The following FER variants were observed in gnomAD, a reference collection of about 807,000 sequenced individuals.
FER encodes FER tyrosine kinase.
FER carries 63 observed loss-of-function variants against 111.0 expected under a neutral mutation model. The ratio of observed to expected loss-of-function variants is 0.57; its 90% CI spans 0.46 to 0.70. FER has a LOEUF of 0.70. Ranked by LOEUF, FER falls within the 30% of genes least tolerant of loss-of-function variation. The pLI is 0.00. For synonymous variants in FER, 327 were observed against 313.9 expected (o/e 1.04, Z -0.44); for missense variants, 914 against 954.0 (o/e 0.96, Z 0.55).
At chr5:108,834,492 G>T (rs879913967) in intron 4 of FER, among the ~76,000 whole-genome samples, 1 of 152,072 alleles carries the variant, frequency 6.6e-6, no homozygotes, top group Non-Finnish European at 1.5e-5. Flanking sequence ...GAGGTCAGGA[G>T]TTCAAGACCA....
intron 1 of FER, among the ~76,000 whole-genome samples, chr5:108,752,731 A>G (rs1405792581): frequency 1.3e-5 from 2 of 152,016 alleles, no homozygotes; most frequent in Non-Finnish European, 2.9e-5. Context: ...AGATTTCTTC[A>G]TTTTTGGAGG....
intron 2 of FER, among the ~76,000 whole-genome samples, chr5:108,788,833 T>C (rs1430190646): frequency 2.0e-5 from 3 of 152,234 alleles, no homozygotes; most frequent in African/African-American, 7.2e-5. Flanking sequence ...ATTCTTGTTC[T>C]TTCATTTCTA....
At chr5:109,173,886 A>G (rs1034931938) in intron 17 of FER, among the ~76,000 whole-genome samples, 5 of 152,048 alleles carry the variant, frequency 3.3e-5, no homozygotes, top group African/African-American at 1.2e-4. Flanking sequence ...TGCTCTCACA[A>G]TAAATATCTG....
chr5:108,768,735 C>G (rs982709682), intron 2 of FER, among the ~76,000 whole-genome samples: 4 of 152,114 alleles, frequency 2.6e-5, no homozygotes, highest in African/African-American at 9.7e-5. Flanking sequence ...ATGATGAATA[C>G]ACTGGATGTT....
intron 13 of FER, among the ~76,000 whole-genome samples, chr5:109,025,416 CTGTT>C (rs1231048677): frequency 1.1e-4 from 17 of 152,158 alleles, no homozygotes; most frequent in African/African-American, 3.4e-4. Flanking sequence ...ATTTGGCTCT[CTGTT>C]TGTCTGTTGT....
At chr5:108,850,959 ACT>A (rs1762488660) in intron 5 of FER, among the ~76,000 whole-genome samples, 1 of 152,136 alleles carries the variant, frequency 6.6e-6, no homozygotes, top group Non-Finnish European at 1.5e-5. Flanking sequence ...ATTAAATTAA[ACT>A]CTGTTAATGA....
intron 5 of FER, among the ~76,000 whole-genome samples, chr5:108,843,528 A>ATT (rs1269283630): frequency 1.0e-4 from 14 of 140,356 alleles, no homozygotes; most frequent in Middle Eastern, 3.5e-3. Context: ...TGAAAGTTGA[A>ATT]TTTTTTTTTT....
intron 10 of FER, among the ~76,000 whole-genome samples, chr5:108,907,747 C>T (rs901940934): frequency 6.6e-5 from 10 of 152,284 alleles, no homozygotes; most frequent in African/African-American, 1.7e-4. Context: ...ACTAAGTACT[C>T]TGATGAAATT....
In FER at chr5:109,173,620, C is replaced by T. The variant is rs115506725; in HGVS notation, c.2049-7127C>T. On this transcript the variant is annotated intron_variant, in intron 17 of 19. Coordinates refer to ENST00000281092, the MANE Select transcript of FER (RefSeq NM_005246.4). Reference sequence around the variant, plus strand: ...TCATGCCTCACCCAGGCCTGCTCAACCAGTTTTCTCTTATTTTTTCCCACT... The same window carrying T: ...TCATGCCTCACCCAGGCCTGCTCAATCAGTTTTCTCTTATTTTTTCCCACT... 7.3e-3 allele frequency among the ~76,000 whole-genome samples: 1,106 copies of T among 152,276 alleles called. 18 individuals carry two copies. Among genetic ancestry groups the T allele is most frequent in the African/African-American group, 0.026 (1,060 of 41,540 alleles).
chr5:109,027,023 T>A (rs754723414), intron 13 of FER, among the ~76,000 whole-genome samples: 33 of 152,290 alleles, frequency 2.2e-4, no homozygotes, highest in African/African-American at 7.7e-4. Flanking sequence ...GTGCATTAGC[T>A]CCAAAATACC....
chr5:108,797,295 T>C (rs1203754024), intron 2 of FER, among the ~76,000 whole-genome samples: 1 of 152,080 alleles, frequency 6.6e-6, no homozygotes, highest in Non-Finnish European at 1.5e-5. Flanking sequence ...AGCAGAAGGA[T>C]GGAGTCACTT....
chr5:108,881,075 G>T (rs561584669), intron 8 of FER, among the ~76,000 whole-genome samples: 84 of 152,102 alleles, frequency 5.5e-4, no homozygotes, highest in African/African-American at 1.9e-3. Flanking sequence ...TAGTCCAATC[G>T]CACACCTCTC....
chr5:108,925,969 C>G (rs1000011571), intron 10 of FER, among the ~76,000 whole-genome samples: 1 of 151,860 alleles, frequency 6.6e-6, no homozygotes, highest in Non-Finnish European at 1.5e-5. Flanking sequence ...TAGCTAGTGA[C>G]TTGCATAACT....
intron 3 of FER, among the ~76,000 whole-genome samples, chr5:108,810,152 A>G (rs1757598832): frequency 6.6e-6 from 1 of 151,812 alleles, no homozygotes; most frequent in Non-Finnish European, 1.5e-5. Context: ...TCTATAGAGA[A>G]TGTTCAGTAA....
At chr5:108,867,415 A>C (rs1474623399) in intron 5 of FER, among the ~76,000 whole-genome samples, 1 of 152,080 alleles carries the variant, frequency 6.6e-6, no homozygotes, top group Non-Finnish European at 1.5e-5. Flanking sequence ...CATTATTTAC[A>C]AACTTTCTTG....
intron 16 of FER, among the ~76,000 whole-genome samples, chr5:109,067,884 G>C (rs1269342146): frequency 6.6e-6 from 1 of 152,098 alleles, no homozygotes; most frequent in Non-Finnish European, 1.5e-5. Context: ...GGTGGAGTCT[G>C]TGCTTCCAGA....
At chr5:109,122,537 A>G (rs72796577) in intron 17 of FER, among the ~76,000 whole-genome samples, 3 of 150,202 alleles carry the variant, frequency 2.0e-5, no homozygotes, top group African/African-American at 7.3e-5. Flanking sequence ...AAAAAAAGGC[A>G]TGTTCTGCAG....
intron 10 of FER, among the ~76,000 whole-genome samples, chr5:108,901,165 G>T (rs1192590548): frequency 6.6e-6 from 1 of 151,740 alleles, no homozygotes; most frequent in Non-Finnish European, 1.5e-5. Context: ...TGGAGATTGG[G>T]CTCTTTTCAG....
intron 17 of FER, among the ~76,000 whole-genome samples, chr5:109,162,648 T>C (rs1363841503): frequency 1.3e-5 from 2 of 152,146 alleles, no homozygotes; most frequent in Non-Finnish European, 2.9e-5. Flanking sequence ...GGAGTTTAAC[T>C]TAAATTTGAC....
Sources: gnomAD v4.1 joint callset for allele counts (sites outside exome capture counted in the v4.1 genomes callset) on GRCh38, gnomAD v4.1.1 for gene constraint, MANE v1.5 for transcripts, NCBI Gene and HGNC (gene_info 2026-07-23, HGNC 2026-07-21) for gene names.